The following SHC4 variants were observed in gnomAD, a reference collection of about 807,000 sequenced individuals.
The protein encoded by SHC4 is SHC adaptor protein 4.
In SHC4, 41 loss-of-function variants were observed where a neutral mutation model predicts 69.4. The ratio of observed to expected loss-of-function variants is 0.59; its 90% CI spans 0.46 to 0.77. The LOEUF (loss-of-function observed/expected upper bound fraction) is 0.77. Ranked by LOEUF, SHC4 falls within the 30% of genes least tolerant of loss-of-function variation. SHC4 has a pLI of 0.00. For synonymous variants in SHC4, 318 were observed against 299.3 expected (o/e 1.06, Z -0.64); for missense variants, 777 against 783.8 (o/e 0.99, Z 0.10).
intron 1 of SHC4, among the ~76,000 whole-genome samples, chr15:48,955,880 A>G (rs909357444): frequency 2.6e-5 from 4 of 152,202 alleles, no homozygotes; most frequent in African/African-American, 9.7e-5. Flanking sequence ...GGGCTCCACC[A>G]CTGGTAGATG....
intron 9 of SHC4, among the ~76,000 whole-genome samples, chr15:48,848,153 G>A (rs906992754): frequency 2.0e-5 from 3 of 152,170 alleles, no homozygotes; most frequent in African/African-American, 4.8e-5. Flanking sequence ...GCCACAGTAG[G>A]AGGGACCTTA....
intron 9 of SHC4, 145 bp from the exon 10 acceptor site, chr15:48,843,733 T>C (rs2140973606): frequency 1.3e-6 from 1 of 751,802 alleles, no homozygotes; most frequent in South Asian, 3.0e-5. Context: ...TAGGTTTGAC[T>C]TGGAAAATCA....
intron 1 of SHC4, among the ~76,000 whole-genome samples, chr15:48,931,728 G>A (rs1410323414): frequency 6.6e-6 from 1 of 152,010 alleles, no homozygotes; most frequent in Non-Finnish European, 1.5e-5. Context: ...CATTTGGCAG[G>A]CAGAAAGCGA....
At chr15:48,895,334 G>C (rs1434137845) in intron 2 of SHC4, among the ~76,000 whole-genome samples, 2 of 152,142 alleles carry the variant, frequency 1.3e-5, no homozygotes, top group Non-Finnish European at 2.9e-5. Flanking sequence ...CAAGCACCGG[G>C]GAGGAACCAT....
chr15:48,824,658 G>A lies in SHC4; in HGVS notation c.*1313C>T, dbSNP rs1039469799. ...TTTTTTACCTTAACTATACAGACTG[G>A]TTATCAATAACGACCTCTAACAAAT... On this transcript the variant is annotated 3_prime_UTR_variant, in exon 12 of 12. Coordinates refer to ENST00000332408, the MANE Select transcript of SHC4 (RefSeq NM_203349.4). 5.9e-5 allele frequency: 9 copies of A among 152,104 alleles called. No individual in the cohort carries two copies. Among genetic ancestry groups the A allele is most frequent in the Non-Finnish European group, 1.3e-4 (9 of 68,026 alleles). The allele number at this position is 152,104 out of a possible 1,614,324, so 9.4% of individuals were successfully genotyped here. A position where few individuals can be genotyped will look rare whatever the true frequency, so the allele number is the denominator to read the frequency against.
At chr15:48,946,439 C>T (rs181656760) in intron 1 of SHC4, 88 of 409,462 alleles carry the variant, frequency 2.1e-4, no homozygotes, top group Admixed American at 4.5e-4. Flanking sequence ...GCAATGCCCA[C>T]GTCCTTCCTC....
intron 1 of SHC4, among the ~76,000 whole-genome samples, chr15:48,951,644 T>C (rs1901366285): frequency 6.6e-6 from 1 of 152,120 alleles, no homozygotes; most frequent in Non-Finnish European, 1.5e-5. Context: ...CATCCTCCAC[T>C]TTCCCACCTC....
intron 1 of SHC4, among the ~76,000 whole-genome samples, chr15:48,944,817 TTAAATAGGCTTTCCTA>T (rs1363070690): frequency 1.3e-5 from 2 of 152,220 alleles, no homozygotes; most frequent in African/African-American, 4.8e-5. Flanking sequence ...TCAGCAGCTC[TTAAATAGGCTTTCCTA>T]TATGTCAGCA....
chr15:48,863,466 T>C (rs1899489247), intron 6 of SHC4, among the ~76,000 whole-genome samples: 1 of 51,120 alleles, frequency 2.0e-5, no homozygotes, highest in South Asian at 9.1e-4. Context: ...TTTAATTTGC[T>C]ACTTATGAAT....
intron 3 of SHC4, among the ~76,000 whole-genome samples, chr15:48,885,158 G>A (rs749421074): frequency 6.6e-6 from 1 of 152,062 alleles, no homozygotes; most frequent in Non-Finnish European, 1.5e-5. Context: ...GAGAGCAGGG[G>A]GTACCCAGGA....
At position 48,873,666 on chromosome 15, in the gene SHC4, G is replaced by A. The variant is rs544847646; in HGVS notation, c.841-1524C>T. ...TGAGGCAGGAGAATGGTGTGAACCC[G>A]GGAGGCGGAGCTTGCAGTGAGCTGA... On this transcript the variant is annotated intron_variant, in intron 4 of 11. Coordinates refer to ENST00000332408, the MANE Select transcript of SHC4 (RefSeq NM_203349.4). 3.9e-5 allele frequency among the ~76,000 whole-genome samples: 6 copies of A among 152,244 alleles called. No homozygotes were observed. The South Asian group carries it at 8.3e-4, about 21-fold the overall frequency.
chr15:48,958,661 C>A (rs2141043235), intron 1 of SHC4, among the ~76,000 whole-genome samples: 1 of 152,338 alleles, frequency 6.6e-6, no homozygotes, highest in Middle Eastern at 3.4e-3. Flanking sequence ...CAAGCCAATT[C>A]TCTCATTTTA....
intron 6 of SHC4, among the ~76,000 whole-genome samples, chr15:48,862,743 G>T (rs1044057747): frequency 3.3e-5 from 5 of 152,088 alleles, no homozygotes; most frequent in Admixed American, 3.3e-4. Flanking sequence ...CCACCCTCAT[G>T]CCCCTTAACT....
intron 8 of SHC4, among the ~76,000 whole-genome samples, chr15:48,853,939 C>A (rs181599159): frequency 6.6e-6 from 1 of 151,972 alleles, no homozygotes; most frequent in Admixed American, 6.6e-5. Context: ...TGACTACATC[C>A]TCAAAAGCAA....
At chr15:48,907,536 TTA>T (rs1427184756) in intron 2 of SHC4, among the ~76,000 whole-genome samples, 1 of 152,024 alleles carries the variant, frequency 6.6e-6, no homozygotes, top group Non-Finnish European at 1.5e-5. Context: ...TGCACCATAC[TTA>T]TAGTCTTCTA....
intron 2 of SHC4, among the ~76,000 whole-genome samples, chr15:48,914,215 G>T (rs1642204453): frequency 6.6e-6 from 1 of 152,198 alleles, no homozygotes; most frequent in African/African-American, 2.4e-5. Flanking sequence ...TCCCACATTA[G>T]TTCATTCACA....
chr15:48,890,928 AAC>A, intron 2 of SHC4, 117 bp from the exon 3 acceptor site: 1 of 1,061,560 alleles, frequency 9.4e-7, no homozygotes, highest in East Asian at 2.5e-5. Context: ...TAGTGAGTCT[AAC>A]ACAAATGGTA....
chr15:48,960,376 T>C (rs4575482), intron 1 of SHC4, among the ~76,000 whole-genome samples: 61,551 of 152,016 alleles, frequency 0.4, 12,824 homozygotes, highest in East Asian at 0.58. Flanking sequence ...GTTTGGAGAC[T>C]CACTCGTTTT....
intron 3 of SHC4, among the ~76,000 whole-genome samples, chr15:48,884,616 A>C (rs915121651): frequency 9.2e-5 from 14 of 152,160 alleles, no homozygotes; most frequent in Admixed American, 5.9e-4. Context: ...TCTCCTCCCC[A>C]GGTGCTGGGA....
Sources: allele counts gnomAD v4.1 joint callset (sites outside exome capture counted in the v4.1 genomes callset), GRCh38; gene constraint gnomAD v4.1.1; transcripts MANE v1.5; gene names NCBI Gene and HGNC (gene_info 2026-07-23, HGNC 2026-07-21).